TYW1B: variants seen among roughly 807,000 people sequenced by gnomAD.
The protein encoded by TYW1B is tRNA-yW synthesizing protein 1 homolog B.
TYW1B carries 73 observed loss-of-function variants against 86.9 expected under a neutral mutation model. The observed-to-expected ratio is 0.84, with a 90% CI of 0.70 to 1.02. TYW1B has a LOEUF of 1.02. Among genes scored for constraint, TYW1B ranks in the 50% least tolerant of loss-of-function variants. The pLI is 0.00. For synonymous variants in TYW1B, 248 were observed against 292.8 expected (o/e 0.85, Z 1.56); for missense variants, 637 against 827.4 (o/e 0.77, Z 2.82).
chr7:72,698,367 G>A (rs139419539), intron 10 of TYW1B, among the ~76,000 whole-genome samples: 26 of 152,134 alleles, frequency 1.7e-4, no homozygotes, highest in Non-Finnish European at 2.6e-4. Context: ...GCATCAGGCC[G>A]GGCACAGTGG....
intron 10 of TYW1B, among the ~76,000 whole-genome samples, chr7:72,711,617 C>A (rs1225125248): frequency 1.3e-5 from 2 of 149,710 alleles, no homozygotes; most frequent in Non-Finnish European, 3.0e-5. Flanking sequence ...CTACAGACAA[C>A]TGCCACCATG....
At chr7:72,688,242 C>T (rs1814057560) in intron 11 of TYW1B, among the ~76,000 whole-genome samples, 1 of 152,092 alleles carries the variant, frequency 6.6e-6, no homozygotes, top group Non-Finnish European at 1.5e-5. Context: ...AGCAGATATG[C>T]TATGCAATTC....
At chr7:72,658,726 T>G (rs1813262597) in intron 11 of TYW1B, among the ~76,000 whole-genome samples, 1 of 152,226 alleles carries the variant, frequency 6.6e-6, no homozygotes, top group African/African-American at 2.4e-5. Context: ...TATTTTGTAT[T>G]GTTTTGTTTT....
chr7:72,730,486 A>G (rs1276831021), intron 8 of TYW1B, among the ~76,000 whole-genome samples: 2 of 146,456 alleles, frequency 1.4e-5, no homozygotes, highest in Non-Finnish European at 3.0e-5. Flanking sequence ...AGAACAAACA[A>G]TGTCTGAATT....
chr7:72,728,726 T>C, intron 9 of TYW1B, 96 bp downstream of exon 9: 1 of 1,252,818 alleles, frequency 8.0e-7, no homozygotes, highest in Non-Finnish European at 1.1e-6. Context: ...AATTTGCCAG[T>C]GGGGACAAAA....
intron 12 of TYW1B, among the ~76,000 whole-genome samples, chr7:72,617,660 C>A (rs1554437171): frequency 6.6e-6 from 1 of 152,216 alleles, no homozygotes; most frequent in African/African-American, 2.4e-5. Flanking sequence ...AGCCACTACA[C>A]CTGGCCTAAA....
intron 7 of TYW1B, among the ~76,000 whole-genome samples, chr7:72,749,513 C>G (rs1787458665): frequency 6.6e-6 from 1 of 152,156 alleles, no homozygotes; most frequent in Admixed American, 6.5e-5. Context: ...AGGATGGTCT[C>G]TATCTCCCAA....
intron 7 of TYW1B, among the ~76,000 whole-genome samples, chr7:72,764,687 T>C (rs1554468011): frequency 6.6e-6 from 1 of 152,200 alleles, no homozygotes; most frequent in Non-Finnish European, 1.5e-5. Flanking sequence ...CATAAAACTG[T>C]TAATGGCCAA....
intron 2 of TYW1B, among the ~76,000 whole-genome samples, chr7:72,819,012 C>G (rs1401108269): frequency 6.6e-6 from 1 of 152,072 alleles, no homozygotes; most frequent in Non-Finnish European, 1.5e-5. Flanking sequence ...TGCAGGTATT[C>G]CTTTATGGCA....
At chr7:72,666,197 T>C (rs1813457186) in intron 11 of TYW1B, among the ~76,000 whole-genome samples, 1 of 152,086 alleles carries the variant, frequency 6.6e-6, no homozygotes, top group African/African-American at 2.4e-5. Flanking sequence ...GCAGATTGCT[T>C]GAGCCCAGGA....
At chr7:72,650,772 A>G (rs1236604594) in intron 11 of TYW1B, among the ~76,000 whole-genome samples, 1 of 152,202 alleles carries the variant, frequency 6.6e-6, no homozygotes, top group African/African-American at 2.4e-5. Context: ...GATACGTGGT[A>G]ATCTAACATT....
intron 8 of TYW1B, among the ~76,000 whole-genome samples, chr7:72,737,554 T>C (rs1437490950): frequency 6.6e-6 from 1 of 152,174 alleles, no homozygotes; most frequent in African/African-American, 2.4e-5. Context: ...CCAACAATCT[T>C]AAGAAGAGAT....
chr7:72,604,995 T>A (rs1355335758), intron 13 of TYW1B, among the ~76,000 whole-genome samples: 1 of 152,226 alleles, frequency 6.6e-6, no homozygotes, highest in African/African-American at 2.4e-5. Flanking sequence ...AGCCGCTAAG[T>A]AGCCTGCCTC....
At position 72,826,994 on chromosome 7, in the gene TYW1B, A is replaced by T. The variant is rs1788945468; in HGVS notation, c.5-9T>A. ...TGTATCCGCAGAAGGATCTAAATTTAAAATGACACACACAGATAATTTCAT... is the reference window on the plus strand; with the variant it reads ...TGTATCCGCAGAAGGATCTAAATTTTAAATGACACACACAGATAATTTCAT... On this transcript the variant is annotated splice_polypyrimidine_tract_variant and intron_variant, in intron 1 of 13. Transcript: ENST00000620995. 1 of 1,599,944 alleles carries T rather than the reference A, an allele frequency of 6.3e-7. No homozygotes were observed. Among genetic ancestry groups the T allele is most frequent in the African/African-American group, 1.3e-5 (1 of 74,132 alleles).
At chr7:72,632,305 ATATATATTATATATAT>A (rs1563038403) in intron 11 of TYW1B, among the ~76,000 whole-genome samples, 16 of 92,692 alleles carry the variant, frequency 1.7e-4, no homozygotes, top group African/African-American at 8.5e-4. Context: ...ATATACGTGT[ATATATATTATATATAT>A]TATATATATA....
At chr7:72,814,013 T>TAAAA (rs72093914) in intron 3 of TYW1B, among the ~76,000 whole-genome samples, 1 of 132,432 alleles carries the variant, frequency 7.6e-6, no homozygotes, top group Non-Finnish European at 1.6e-5. Flanking sequence ...AAAACTCCAT[T>TAAAA]AAAAAAAAAA....
chr7:72,808,208 C>T (rs575138151), intron 4 of TYW1B, among the ~76,000 whole-genome samples: 473 of 152,254 alleles, frequency 3.1e-3, no homozygotes, highest in African/African-American at 0.011. Flanking sequence ...ATTCCAGCAC[C>T]TTGGGAGACC....
At chr7:72,817,288 C>T (rs1202329005) in intron 2 of TYW1B, among the ~76,000 whole-genome samples, 1 of 151,950 alleles carries the variant, frequency 6.6e-6, no homozygotes, top group Non-Finnish European at 1.5e-5. Context: ...CCTGTAATCC[C>T]AGCTACCTAC....
intron 10 of TYW1B, among the ~76,000 whole-genome samples, chr7:72,702,550 GC>G (rs1466810492): frequency 6.6e-6 from 1 of 151,914 alleles, no homozygotes; most frequent in Non-Finnish European, 1.5e-5. Flanking sequence ...ACCACACCCG[GC>G]TAATTTTTAT....
Sources: allele counts gnomAD v4.1 joint callset (sites outside exome capture counted in the v4.1 genomes callset), GRCh38; gene constraint gnomAD v4.1.1; transcripts MANE v1.5; gene names NCBI Gene and HGNC (gene_info 2026-07-23, HGNC 2026-07-21).